Variants in DPP10 observed in about 807,000 individuals in gnomAD.
DPP10 encodes the protein dipeptidyl peptidase like 10.
A neutral mutation model predicts 120.9 loss-of-function variants in DPP10; 33 were observed. The observed-to-expected ratio is 0.27, with a 90% confidence interval of 0.21 to 0.37. The LOEUF (loss-of-function observed/expected upper bound fraction) is 0.37. DPP10 is among the 10% of genes least tolerant of loss of function. DPP10 has a pLI of 1.00. For missense variants in DPP10, 816 were observed against 942.8 expected (o/e 0.87, Z 1.76); for synonymous variants, 337 against 326.1 (o/e 1.03, Z -0.36).
chr2:115,588,134 C>T (rs1241090785), intron 5 of DPP10, among the ~76,000 whole-genome samples: 1 of 152,070 alleles, frequency 6.6e-6, no homozygotes, highest in African/African-American at 2.4e-5. Flanking sequence ...ATAAACTGTT[C>T]TCTTTAATAC....
intron 3 of DPP10, among the ~76,000 whole-genome samples, chr2:115,421,113 C>T (rs2069912799): frequency 6.6e-6 from 1 of 151,498 alleles, no homozygotes; most frequent in African/African-American, 2.4e-5. Context: ...CTCTTTTTCC[C>T]CACCTTTCTC....
intron 1 of DPP10, among the ~76,000 whole-genome samples, chr2:114,779,988 A>T (rs1287910283): frequency 2.6e-5 from 4 of 151,894 alleles, no homozygotes; most frequent in South Asian, 2.1e-4. Context: ...TACAAAAAAT[A>T]AGCCGGGTGT....
At chr2:115,074,034 TAG>T (rs1341453877) in intron 1 of DPP10, among the ~76,000 whole-genome samples, 1 of 152,188 alleles carries the variant, frequency 6.6e-6, no homozygotes, top group Non-Finnish European at 1.5e-5. Flanking sequence ...TTTGTTTTGA[TAG>T]AGTCTTGCTC....
intron 1 of DPP10, among the ~76,000 whole-genome samples, chr2:114,488,049 G>A (rs568335078): frequency 6.6e-6 from 1 of 152,278 alleles, no homozygotes; most frequent in African/African-American, 2.4e-5. Context: ...AGTAATAATT[G>A]TCAAATTCAG....
At chr2:114,726,911 A>G (rs886859461) in intron 1 of DPP10, among the ~76,000 whole-genome samples, 6 of 152,190 alleles carry the variant, frequency 3.9e-5, no homozygotes, top group African/African-American at 1.4e-4. Context: ...ATCATACATA[A>G]ATATAGTTTG....
At chr2:114,670,745 A>T (rs1698275852) in intron 1 of DPP10, among the ~76,000 whole-genome samples, 1 of 152,196 alleles carries the variant, frequency 6.6e-6, no homozygotes, top group African/African-American at 2.4e-5. Context: ...CAGATCATAA[A>T]GAACAAGTTG....
intron 5 of DPP10, among the ~76,000 whole-genome samples, chr2:115,590,003 A>C (rs1295310932): frequency 1.3e-5 from 2 of 152,000 alleles, no homozygotes; most frequent in Non-Finnish European, 2.9e-5. Context: ...GAAGCACATT[A>C]ATTCTTTTTA....
chr2:114,864,581 A>G (rs548657159), intron 1 of DPP10, among the ~76,000 whole-genome samples: 1 of 152,292 alleles, frequency 6.6e-6, no homozygotes, highest in African/African-American at 2.4e-5. Context: ...TTCTTTACTT[A>G]TTTACAGGAA....
At chr2:115,289,503 A>AAT (rs70941042) in intron 1 of DPP10, among the ~76,000 whole-genome samples, 3,515 of 96,224 alleles carry the variant, frequency 0.037, 124 homozygotes, top group African/African-American at 0.076. Context: ...AAAAAAAAAA[A>AAT]AGGAAGAAAA....
Position 115,836,510 on chromosome 2 carries a change from C to G in DPP10, c.2054C>G (p.Ser685Ter). The G allele has an allele frequency of 6.2e-7, 1 of 1,613,424 alleles. No homozygotes were observed. The highest frequency in any genetic ancestry group is 8.5e-7 in the Non-Finnish European group (1 of 1,179,768). ...TGTCTGTTTTCTTGGGTCACAGCCT[C>G]AGCTTTCTCTGAAAGATACCTTGGG... Reference protein sequence around the residue: ...APITDLKLYASAFSERYLGMP... With the variant: ...APITDLKLYA The change falls in exon 23 of 26, where the codon TCA (serine) becomes TGA (stop). Residue 685 changes from serine to a stop codon, truncating the protein, a stop_gained. Coordinates refer to ENST00000410059, the MANE Select transcript of DPP10 (RefSeq NM_020868.6). LOFTEE classifies it high-confidence loss of function.
At chr2:115,837,018 A>T (rs1689610189) in intron 24 of DPP10, among the ~76,000 whole-genome samples, 1 of 152,232 alleles carries the variant, frequency 6.6e-6, no homozygotes. Context: ...GCCACTGGCC[A>T]CTTGTGGCCA....
At chr2:115,416,338 C>G in intron 3 of DPP10, among the ~76,000 whole-genome samples, 1 of 152,122 alleles carries the variant, frequency 6.6e-6, no homozygotes, top group Non-Finnish European at 1.5e-5. Flanking sequence ...TCAGAGTATT[C>G]CTTCCTATAT....
intron 1 of DPP10, among the ~76,000 whole-genome samples, chr2:115,006,288 A>T (rs371425743): frequency 6.6e-6 from 1 of 152,132 alleles, no homozygotes; most frequent in Non-Finnish European, 1.5e-5. Flanking sequence ...GACCATCGAG[A>T]CTAGGAAGAA....
At chr2:114,942,503 A>G (rs2104580327) in intron 1 of DPP10, among the ~76,000 whole-genome samples, 1 of 149,246 alleles carries the variant, frequency 6.7e-6, no homozygotes, top group South Asian at 2.1e-4. Flanking sequence ...GATGGTTGAA[A>G]GATTGTGGCC....
At chr2:115,296,355 A>G (rs1346349639) in intron 1 of DPP10, among the ~76,000 whole-genome samples, 1 of 152,080 alleles carries the variant, frequency 6.6e-6, no homozygotes, top group Non-Finnish European at 1.5e-5. Flanking sequence ...TGTTCTTTTC[A>G]TGCAGTCGTA....
At chr2:114,548,121 T>A (rs1687575625) in intron 1 of DPP10, among the ~76,000 whole-genome samples, 1 of 152,130 alleles carries the variant, frequency 6.6e-6, no homozygotes, top group Non-Finnish European at 1.5e-5. Flanking sequence ...CAGGGTTGCT[T>A]TGAAGATTAC....
intron 3 of DPP10, among the ~76,000 whole-genome samples, chr2:115,376,255 A>T (rs187204186): frequency 2.6e-5 from 4 of 152,340 alleles, no homozygotes; most frequent in Admixed American, 2.6e-4. Context: ...GAATGGTAAT[A>T]TACAGCCTAG....
At chr2:115,448,956 CATACCT>C (rs1314259539) in intron 3 of DPP10, among the ~76,000 whole-genome samples, 1 of 152,018 alleles carries the variant, frequency 6.6e-6, no homozygotes, top group Non-Finnish European at 1.5e-5. Flanking sequence ...TGTGGTCTCT[CATACCT>C]AGAATAGTTC....
chr2:114,730,003 G>A (rs1473309273), intron 1 of DPP10, among the ~76,000 whole-genome samples: 1 of 152,102 alleles, frequency 6.6e-6, no homozygotes, highest in African/African-American at 2.4e-5. Context: ...AAAATAACTT[G>A]TTTTGCTGTG....
Sources: allele counts gnomAD v4.1 joint callset (sites outside exome capture counted in the v4.1 genomes callset), GRCh38; gene constraint gnomAD v4.1.1; transcripts MANE v1.5; gene names NCBI Gene and HGNC (gene_info 2026-07-23, HGNC 2026-07-21).